Variants in DNAH8 observed in about 807,000 individuals in gnomAD.
The protein encoded by DNAH8 is dynein axonemal heavy chain 8, also known as axonemal beta dynein heavy chain 8.
In DNAH8, 382 loss-of-function variants were observed where a neutral mutation model predicts 562.1. That is an observed-to-expected ratio of 0.68 (90% CI 0.63 to 0.74). DNAH8 has a LOEUF of 0.74. Among genes scored for constraint, DNAH8 ranks in the 30% least tolerant of loss-of-function variants. DNAH8 has a pLI of 0.00. For missense variants in DNAH8, 5,203 were observed against 5,620.4 expected (o/e 0.93, Z 2.37); for synonymous variants, 1,881 against 1,919.4 (o/e 0.98, Z 0.52).
At position 38,907,982 on chromosome 6, in the gene DNAH8, G is replaced by A. The variant is rs142453787; in HGVS notation, c.9375G>A (p.Glu3125=). ...GEISNLFARD[E]MDEITQGLIS... is the part of the protein sequence containing the mutation. ...TCTCCAACTTGTTTGCACGAGATGA[G>A]ATGGATGAAATCACCCAAGGTCTGA... The change falls in exon 64 of 93, where the codon GAG becomes GAA. Residue 3125 remains glutamate (E), a synonymous_variant. Coordinates refer to ENST00000327475, the MANE Select transcript of DNAH8 (RefSeq NM_001206927.2). 300 of 1,607,874 alleles carry A rather than the reference G, an allele frequency of 1.9e-4. No homozygotes were observed. The highest frequency in any genetic ancestry group is 7.3e-4 in the Admixed American group (43 of 58,778).
intron 86 of DNAH8, 63 bp downstream of exon 86, chr6:38,982,525 C>A: frequency 2.2e-6 from 2 of 901,614 alleles, no homozygotes; most frequent in Non-Finnish European, 1.8e-6. Flanking sequence ...GTTCTACAGT[C>A]ATTTGAAGTC....
At chr6:38,886,270 A>C (rs936369459) in intron 56 of DNAH8, among the ~76,000 whole-genome samples, 2 of 152,102 alleles carry the variant, frequency 1.3e-5, no homozygotes, top group Admixed American at 1.3e-4. Context: ...GAAAAAAAAC[A>C]AGCCTCTGAA....
intron 66 of DNAH8, among the ~76,000 whole-genome samples, 190 bp from the exon 67 acceptor site, chr6:38,913,659 C>T (rs1160251928): frequency 3.9e-5 from 6 of 152,130 alleles, no homozygotes; most frequent in African/African-American, 1.4e-4. Context: ...TCTTTGCCTT[C>T]CTGTTGAAAC....
rs537307601 is a variant in DNAH8, at chr6:38,898,183, G to A, written c.8941-75G>A. ...ATGTATATTTTAAAATTACTTTTGA[G>A]TGTCTTTACAATTGCTACTTTAATA... On this transcript the variant is annotated intron_variant, in intron 60 of 92. Coordinates refer to ENST00000327475, the MANE Select transcript of DNAH8 (RefSeq NM_001206927.2). 61 of 1,293,750 alleles carry A rather than the reference G, an allele frequency of 4.7e-5. No homozygotes were observed. In the African/African-American group the frequency reaches 7.6e-4, roughly 16 times the overall value. The allele number at this position is 1,293,750 out of a possible 1,614,324, so 80.1% of individuals were successfully genotyped here. A position where few individuals can be genotyped will look rare whatever the true frequency, so the allele number is the denominator to read the frequency against.
At chr6:38,730,450 A>T (rs937274031) in intron 4 of DNAH8, among the ~76,000 whole-genome samples, 2 of 152,222 alleles carry the variant, frequency 1.3e-5, no homozygotes, top group African/African-American at 4.8e-5. Context: ...AGCTTGTTAA[A>T]ACTTTGTTTT....
At chr6:38,732,356 T>C (rs981454971) in intron 4 of DNAH8, among the ~76,000 whole-genome samples, 3 of 152,220 alleles carry the variant, frequency 2.0e-5, no homozygotes, top group Non-Finnish European at 2.9e-5. Context: ...AGCAGTTTTC[T>C]TTCTAGGGAT....
chr6:38,854,352 T>C (rs904715843), intron 41 of DNAH8, among the ~76,000 whole-genome samples: 1 of 152,130 alleles, frequency 6.6e-6, no homozygotes, highest in African/African-American at 2.4e-5. Flanking sequence ...AGGCAAGAGA[T>C]ATCCAAGGAA....
Position 39,002,502 on chromosome 6 carries a change from T to C in DNAH8, c.13215-6312T>C, listed in dbSNP as rs1267422796. Among the ~76,000 whole-genome samples the C allele has an allele frequency of 2.6e-5, 4 of 152,240 alleles. No individual in the cohort carries two copies. In the East Asian group the frequency reaches 7.7e-4, roughly 29 times the overall value. ...ATATGACTTTTTAAAACTGGGGTTG[T>C]GCCATATTTCAAAATGTCGGAATGG... is the stretch of plus-strand genomic sequence containing the variant. On this transcript the variant is annotated intron_variant, in intron 88 of 92. Transcript: ENST00000327475.
At chr6:38,929,742 G>C in intron 75 of DNAH8, 76 bp downstream of exon 75, 1 of 1,323,362 alleles carries the variant, frequency 7.6e-7, no homozygotes, top group Non-Finnish European at 9.9e-7. Flanking sequence ...TTAAGAAAGA[G>C]AAAGAAAGAA....
At position 38,852,727 on chromosome 6, in the gene DNAH8, G is replaced by A; in HGVS notation, c.5500G>A (p.Glu1834Lys). 1 of 1,613,842 alleles carries A rather than the reference G, an allele frequency of 6.2e-7. No homozygotes were observed. ...HLPAVSDNIN[E>K]VTFHAKDYDR... ...CCCTGCAGTATCTGACAACATCAATGAGGTGACATTTCATGCAAAAGACTA... is the reference window on the plus strand; with the variant it reads ...CCCTGCAGTATCTGACAACATCAATAAGGTGACATTTCATGCAAAAGACTA... The change falls in exon 40 of 93, where the codon GAG becomes AAG. Residue 1834 changes from glutamate to lysine, a missense_variant. This residue lies in a region of DNAH8 where 2,176 missense variants were observed against 2,365.1 expected (regional missense o/e 0.92). Transcript: ENST00000327475.
At chr6:38,740,957 G>T (rs1424288506) in intron 7 of DNAH8, among the ~76,000 whole-genome samples, 2 of 152,160 alleles carry the variant, frequency 1.3e-5, no homozygotes, top group African/African-American at 4.8e-5. Context: ...TATCATCTGT[G>T]ATTATGCCAT....
intron 88 of DNAH8, among the ~76,000 whole-genome samples, chr6:39,002,558 GA>G (rs752440911): frequency 1.3e-5 from 2 of 152,096 alleles, no homozygotes; most frequent in Non-Finnish European, 2.9e-5. Flanking sequence ...CATTTTACTA[GA>G]ATATTGTGTT....
intron 44 of DNAH8, 28 bp from the exon 45 acceptor site, chr6:38,863,845 T>G: frequency 6.4e-7 from 1 of 1,562,566 alleles, no homozygotes; most frequent in Non-Finnish European, 8.6e-7. Context: ...AGAGTAAAAC[T>G]TTACAAATTA....
chr6:38,890,632 C>A lies in DNAH8; in HGVS notation c.8474-20C>A. On this transcript the variant is annotated intron_variant, in intron 57 of 92. Transcript: ENST00000327475. ...AAATCTTTTGGTAAGCTTATACCTT[C>A]AATCTTGCTTATCTTTCAGGAATTA... 2.0e-6 allele frequency: 3 copies of A among 1,531,702 alleles called. No individual in the cohort carries two copies. Among genetic ancestry groups the A allele is most frequent in the Non-Finnish European group, 2.7e-6 (3 of 1,105,106 alleles). The allele number at this position is 1,531,702 out of a possible 1,614,324, so 94.9% of individuals were successfully genotyped here.
chr6:38,719,406 C>T (rs1582813924), intron 1 of DNAH8, among the ~76,000 whole-genome samples: 2 of 152,140 alleles, frequency 1.3e-5, no homozygotes, highest in South Asian at 2.1e-4. Context: ...TTCTTGTACC[C>T]CCAGTGTCTC....
At chr6:38,940,144 C>G (rs150836809) in intron 79 of DNAH8, among the ~76,000 whole-genome samples, 2 of 151,942 alleles carry the variant, frequency 1.3e-5, no homozygotes, top group African/African-American at 4.8e-5. Flanking sequence ...ACTTGGCACA[C>G]GTGTAAGGAT....
At chr6:38,953,842 CTT>C (rs76740008) in intron 82 of DNAH8, among the ~76,000 whole-genome samples, 15 of 139,744 alleles carry the variant, frequency 1.1e-4, no homozygotes, top group Non-Finnish European at 9.5e-5. Flanking sequence ...AATCCAATTA[CTT>C]TTTTTTTTTT....
Position 38,822,968 on chromosome 6 carries a change from T to C in DNAH8, c.3654T>C (p.His1218=), listed in dbSNP as rs1773005245. Residue 1218 remains histidine, a synonymous_variant, in exon 27 of 93, where the codon CAT becomes CAC. Coordinates refer to ENST00000327475, the MANE Select transcript of DNAH8 (RefSeq NM_001206927.2). The part of the protein sequence containing the change: ...SSVNSLRKAA[H]EALQDFQKYK... Reference sequence around the variant, plus strand: ...TAAATTCCCTAAGAAAGGCAGCTCATGAGGCCCTGCAGGACTTTCAGAAGT... The same window carrying C: ...TAAATTCCCTAAGAAAGGCAGCTCACGAGGCCCTGCAGGACTTTCAGAAGT... 6.2e-7 allele frequency: 1 copy of C among 1,613,280 alleles called. No individual in the cohort carries two copies. The highest frequency in any genetic ancestry group is 1.7e-5 in the Admixed American group (1 of 59,818).
In DNAH8 at chr6:38,885,650, C is replaced by T. The variant is rs570525780; in HGVS notation, c.8260-1141C>T. On this transcript the variant is annotated intron_variant, in intron 56 of 92. Coordinates refer to ENST00000327475, the MANE Select transcript of DNAH8 (RefSeq NM_001206927.2). ...CACCACATTTACTGATCTTTGTATA[C>T]GCTGGATATGGTGTTCACTCAGTAC... is the stretch of plus-strand genomic sequence containing the variant. 1.1e-3 allele frequency among the ~76,000 whole-genome samples: 160 copies of T among 152,286 alleles called. 1 individual carries two copies. Among genetic ancestry groups the T allele is most frequent in the African/African-American group, 3.5e-3 (146 of 41,554 alleles).
Sources: gnomAD v4.1 joint callset for allele counts (sites outside exome capture counted in the v4.1 genomes callset) on GRCh38, gnomAD v4.1.1 for gene constraint, gnomAD v4.1.1 regional missense constraint, MANE v1.5 for transcripts, NCBI Gene and HGNC (gene_info 2026-07-23, HGNC 2026-07-21) for gene names.